ITSN1: variants seen among roughly 807,000 people sequenced by gnomAD.
ITSN1 encodes the protein intersectin 1.
In ITSN1, 58 loss-of-function variants were observed where a neutral mutation model predicts 239.8. That is an observed-to-expected ratio of 0.24 (90% confidence interval 0.20 to 0.30). The LOEUF (loss-of-function observed/expected upper bound fraction) is 0.30, where lower values mean the gene tolerates loss of function less well. ITSN1 is among the 10% of genes least tolerant of loss of function. The pLI, the probability that ITSN1 is intolerant of heterozygous loss-of-function variation, is 1.00. For missense variants in ITSN1, 1,558 were observed against 2,103.3 expected, an observed-to-expected ratio of 0.74 and a Z score of 5.07; for synonymous variants, 780 against 770.8, an observed-to-expected ratio of 1.01 and a Z score of -0.20.
intron 21 of ITSN1, among the ~76,000 whole-genome samples, chr21:33,811,884 A>G (rs1026629509): frequency 1.3e-5 from 2 of 152,228 alleles, no homozygotes; most frequent in African/African-American, 4.8e-5. Context: ...TTATACTAGG[A>G]TACAAGTATG....
intron 24 of ITSN1, 81 bp from the exon 25 acceptor site, chr21:33,823,406 G>A (rs967319298): frequency 6.2e-5 from 80 of 1,285,098 alleles, no homozygotes; most frequent in African/African-American, 1.8e-4. Context: ...TTCCTTATTC[G>A]TAAACTTGCT....
At chr21:33,817,159 A>G (rs2073333523) in intron 22 of ITSN1, 1 of 1,207,598 alleles carries the variant, frequency 8.3e-7, no homozygotes, top group Non-Finnish European at 1.1e-6. Flanking sequence ...TTTTTACTAA[A>G]TGCTTTAAGA....
At chr21:33,700,989 G>GTGTGTGTT (rs140558917) in intron 1 of ITSN1, among the ~76,000 whole-genome samples, 2 of 137,722 alleles carry the variant, frequency 1.5e-5, no homozygotes, top group African/African-American at 2.7e-5. Flanking sequence ...GTGTGTGTGT[G>GTGTGTGTT]TTTTCTTATA....
intron 25 of ITSN1, among the ~76,000 whole-genome samples, chr21:33,826,079 T>C (rs2073955294): frequency 6.6e-6 from 1 of 152,254 alleles, no homozygotes; most frequent in South Asian, 2.1e-4. Context: ...TCGTGGTCTC[T>C]GTTGTTGGCT....
At chr21:33,823,038 T>G (rs945655561) in intron 24 of ITSN1, among the ~76,000 whole-genome samples, 9 of 152,224 alleles carry the variant, frequency 5.9e-5, no homozygotes, top group Non-Finnish European at 1.3e-4. Flanking sequence ...CGTAGTACCC[T>G]CAAAACTGAA....
intron 1 of ITSN1, among the ~76,000 whole-genome samples, chr21:33,700,664 C>T (rs370069138): frequency 1.8e-4 from 27 of 152,244 alleles, no homozygotes; most frequent in Middle Eastern, 3.4e-3. Context: ...ACTCCAGCAG[C>T]GCGGGTTGGT....
intron 1 of ITSN1, among the ~76,000 whole-genome samples, chr21:33,691,191 G>A (rs2091530556): frequency 6.6e-6 from 1 of 151,954 alleles, no homozygotes; most frequent in South Asian, 2.1e-4. Flanking sequence ...CAGGACCTGT[G>A]TCTTTCTTTG....
At chr21:33,852,910 A>G (rs1978592903) in intron 29 of ITSN1, among the ~76,000 whole-genome samples, 1 of 152,194 alleles carries the variant, frequency 6.6e-6, no homozygotes, top group East Asian at 1.9e-4. Context: ...AAACGCTTTT[A>G]TTTGAAATGT....
intron 20 of ITSN1, among the ~76,000 whole-genome samples, chr21:33,810,148 G>A (rs891302543): frequency 6.6e-6 from 1 of 152,150 alleles, no homozygotes; most frequent in African/African-American, 2.4e-5. Flanking sequence ...TTCTCCTGTT[G>A]CTCATAAAAT....
At chr21:33,670,769 C>T (rs937269084) in intron 1 of ITSN1, among the ~76,000 whole-genome samples, 4 of 152,174 alleles carry the variant, frequency 2.6e-5, no homozygotes, top group African/African-American at 9.7e-5. Context: ...AGTGTTGTCT[C>T]AGCTACACTA....
intron 1 of ITSN1, among the ~76,000 whole-genome samples, chr21:33,665,147 C>G (rs1249963776): frequency 6.6e-6 from 1 of 152,040 alleles, no homozygotes; most frequent in East Asian, 1.9e-4. Context: ...CTTGTAATCC[C>G]AGCTACTCGG....
At chr21:33,706,047 T>C (rs2092238318) in intron 1 of ITSN1, among the ~76,000 whole-genome samples, 1 of 152,208 alleles carries the variant, frequency 6.6e-6, no homozygotes, top group Non-Finnish European at 1.5e-5. Flanking sequence ...TTTGTTCATA[T>C]ACTTATTGTC....
intron 22 of ITSN1, among the ~76,000 whole-genome samples, chr21:33,814,956 G>C: frequency 6.6e-6 from 1 of 152,300 alleles, no homozygotes. Context: ...TATGGGAGCC[G>C]AAGGAAAGGA....
chr21:33,794,218 C>G, intron 16 of ITSN1, 123 bp from the exon 17 acceptor site: 2 of 714,374 alleles, frequency 2.8e-6, no homozygotes, highest in Admixed American at 5.1e-5. Context: ...TGACTTTTTC[C>G]AACTCTGAAA....
In ITSN1 at chr21:33,691,434, A is replaced by T. The variant is rs565646159; in HGVS notation, c.-32-27363A>T. ...TAAAGAATTACTCTGATGCTTGTTA[A>T]AATAGTTAGGAAGACTTTATTCAAG... On this transcript the variant is annotated intron_variant, in intron 1 of 39. Coordinates refer to ENST00000381318, the MANE Select transcript of ITSN1 (RefSeq NM_003024.3). Among the ~76,000 whole-genome samples the T allele has an allele frequency of 3.9e-5, 6 of 152,322 alleles. No homozygotes were observed. In the South Asian group the frequency reaches 1.2e-3, roughly 32 times the overall value.
At chr21:33,844,776 C>T (rs1021997193) in intron 29 of ITSN1, among the ~76,000 whole-genome samples, 22 of 152,208 alleles carry the variant, frequency 1.4e-4, no homozygotes, top group African/African-American at 5.1e-4. Context: ...TGGAGTGTTA[C>T]CTTGGAGTCC....
At chr21:33,767,659 C>A in intron 10 of ITSN1, 54 bp from the exon 11 acceptor site, 1 of 984,052 alleles carries the variant, frequency 1.0e-6, no homozygotes, top group Non-Finnish European at 1.5e-6. Context: ...ACTTGTCCAA[C>A]TCCACCCAGA....
chr21:33,697,593 CATT>C (rs1432244406), intron 1 of ITSN1, among the ~76,000 whole-genome samples: 5 of 152,064 alleles, frequency 3.3e-5, no homozygotes, highest in African/African-American at 9.7e-5. Flanking sequence ...TATACAATCT[CATT>C]ATTAATTTGG....
At chr21:33,704,302 G>A (rs1348802800) in intron 1 of ITSN1, among the ~76,000 whole-genome samples, 1 of 152,114 alleles carries the variant, frequency 6.6e-6, no homozygotes, top group East Asian at 1.9e-4. Flanking sequence ...GATCTGCTAT[G>A]ACATTACAAA....
Sources: gnomAD v4.1 joint callset for allele counts (sites outside exome capture counted in the v4.1 genomes callset) on GRCh38, gnomAD v4.1.1 for gene constraint, MANE v1.5 for transcripts, NCBI Gene and HGNC (gene_info 2026-07-23, HGNC 2026-07-21) for gene names.